Variants in PCCA observed in about 807,000 individuals in gnomAD.
PCCA encodes the protein propionyl-CoA carboxylase alpha chain, mitochondrial.
PCCA carries 74 observed loss-of-function variants against 101.3 expected under a neutral mutation model. The observed-to-expected ratio is 0.73, with a 90% CI of 0.61 to 0.89. The LOEUF (loss-of-function observed/expected upper bound fraction) is 0.89. Among genes scored for constraint, PCCA ranks in the 40% least tolerant of loss-of-function variants. PCCA has a pLI of 0.00. For synonymous variants in PCCA, 294 were observed against 313.6 expected (o/e 0.94, Z 0.66); for missense variants, 891 against 907.0 (o/e 0.98, Z 0.23).
intron 20 of PCCA, among the ~76,000 whole-genome samples, chr13:100,432,456 A>G (rs2079625608): frequency 1.3e-5 from 2 of 152,186 alleles, no homozygotes; most frequent in African/African-American, 4.8e-5. Context: ...TACACCTTAG[A>G]AAAACGTGTT....
At position 100,298,547 on chromosome 13, in the gene PCCA, T is replaced by A. The variant is rs1310588713; in HGVS notation, c.1066-2913T>A. On this transcript the variant is annotated intron_variant, in intron 12 of 23. Coordinates refer to ENST00000376285, the MANE Select transcript of PCCA (RefSeq NM_000282.4). Reference sequence around the variant, plus strand: ...ACCAGACACCAATTTTTGACTTTTTTGTTTTTTTATTTTTATAACCTTTTG... The same window carrying A: ...ACCAGACACCAATTTTTGACTTTTTAGTTTTTTTATTTTTATAACCTTTTG... Among the ~76,000 whole-genome samples, 3 of 151,822 alleles carry A rather than the reference T, an allele frequency of 2.0e-5. No homozygotes were observed. The East Asian group carries it at 5.8e-4, about 30-fold the overall frequency.
chr13:100,525,211 G>A (rs970322034), intron 22 of PCCA, among the ~76,000 whole-genome samples: 3 of 152,132 alleles, frequency 2.0e-5, no homozygotes, highest in African/African-American at 7.2e-5. Flanking sequence ...GTGGGGACAC[G>A]CCTTCTTTAA....
In PCCA at chr13:100,209,424, A is replaced by T; in HGVS notation, c.561A>T (p.Ala187=). The T allele has an allele frequency of 6.2e-7, 1 of 1,613,500 alleles. No individual in the cohort carries two copies. Residue 187 remains alanine, a synonymous_variant, in exon 7 of 24, where the codon GCA becomes GCT. Coordinates refer to ENST00000376285, the MANE Select transcript of PCCA (RefSeq NM_000282.4). ...AAAGCAAATTATTAGCTAAGAAAGC[A>T]GAGGTTAATACAATCCCTGGCTTTG... ...KIESKLLAKK[A]EVNTIPGFDG... is the part of the protein sequence containing the mutation.
At chr13:100,284,843 C>A (rs2064467762) in intron 12 of PCCA, among the ~76,000 whole-genome samples, 1 of 152,192 alleles carries the variant, frequency 6.6e-6, no homozygotes, top group African/African-American at 2.4e-5. Flanking sequence ...TTAGGGATAG[C>A]CCTCATCGGT....
At chr13:100,284,373 A>G (rs2064413399) in intron 12 of PCCA, among the ~76,000 whole-genome samples, 2 of 152,218 alleles carry the variant, frequency 1.3e-5, no homozygotes, top group African/African-American at 4.8e-5. Context: ...AAGTCTGGGC[A>G]TTGGAAGGAC....
intron 17 of PCCA, among the ~76,000 whole-genome samples, chr13:100,332,355 G>A (rs1318981049): frequency 3.3e-5 from 5 of 151,846 alleles, no homozygotes; most frequent in East Asian, 1.9e-4. Context: ...GTTGTAGTAC[G>A]TTTTGAAGTG....
intron 19 of PCCA, among the ~76,000 whole-genome samples, chr13:100,411,597 G>A (rs771475373): frequency 2.6e-5 from 4 of 152,148 alleles, no homozygotes; most frequent in South Asian, 2.1e-4. Flanking sequence ...TAAATATACC[G>A]TAGAATGGGT....
chr13:100,099,442 C>T (rs186337150), intron 1 of PCCA, among the ~76,000 whole-genome samples: 112 of 151,670 alleles, frequency 7.4e-4, no homozygotes, highest in African/African-American at 2.6e-3. Flanking sequence ...CTCAGTCTCC[C>T]GAGTAGCTGG....
chr13:100,484,582 A>C (rs2084216765), intron 21 of PCCA, among the ~76,000 whole-genome samples: 1 of 152,144 alleles, frequency 6.6e-6, no homozygotes, highest in Non-Finnish European at 1.5e-5. Flanking sequence ...GAGATGTTTG[A>C]ATTTTTCTTT....
chr13:100,315,229 T>A (rs2067241653), intron 16 of PCCA, among the ~76,000 whole-genome samples: 2 of 152,216 alleles, frequency 1.3e-5, no homozygotes, highest in Middle Eastern at 3.4e-3. Context: ...ATTTTGAAAT[T>A]ATTTCAAAAT....
chr13:100,113,521 A>G (rs545145770), intron 4 of PCCA, among the ~76,000 whole-genome samples: 20 of 152,108 alleles, frequency 1.3e-4, no homozygotes, highest in African/African-American at 4.6e-4. Context: ...TAACCTTAGC[A>G]TACCATAACT....
intron 12 of PCCA, among the ~76,000 whole-genome samples, chr13:100,293,835 G>A (rs2065314044): frequency 6.6e-6 from 1 of 152,086 alleles, no homozygotes; most frequent in African/African-American, 2.4e-5. Flanking sequence ...GAAGTTTTTG[G>A]TATACAGATA....
At chr13:100,102,092 C>G (rs1459988615) in intron 1 of PCCA, among the ~76,000 whole-genome samples, 3 of 151,940 alleles carry the variant, frequency 2.0e-5, no homozygotes, top group Non-Finnish European at 4.4e-5. Context: ...GAAGTTCTCT[C>G]TCTGTCTCTG....
intron 19 of PCCA, among the ~76,000 whole-genome samples, chr13:100,396,437 C>T (rs2077048852): frequency 6.6e-6 from 1 of 152,202 alleles, no homozygotes; most frequent in South Asian, 2.1e-4. Context: ...TCTCTTCCCT[C>T]TAAAACACGG....
At chr13:100,440,194 AT>A (rs1566308323) in intron 20 of PCCA, among the ~76,000 whole-genome samples, 34 of 101,408 alleles carry the variant, frequency 3.4e-4, no homozygotes, top group Middle Eastern at 5.1e-3. Flanking sequence ...ATATATATAT[AT>A]ATATATATAT....
At chr13:100,423,914 G>A (rs1447994506) in intron 19 of PCCA, among the ~76,000 whole-genome samples, 3 of 152,212 alleles carry the variant, frequency 2.0e-5, no homozygotes, top group Non-Finnish European at 4.4e-5. Flanking sequence ...CGAGGGCCTG[G>A]GTGGGTAACC....
intron 14 of PCCA, among the ~76,000 whole-genome samples, chr13:100,305,525 G>A (rs1214681716): frequency 1.3e-5 from 2 of 152,138 alleles, no homozygotes; most frequent in African/African-American, 2.4e-5. Context: ...TATCAGTCTC[G>A]TTTGTAAACA....
At chr13:100,508,371 C>T (rs754670020) in intron 21 of PCCA, among the ~76,000 whole-genome samples, 2 of 152,186 alleles carry the variant, frequency 1.3e-5, no homozygotes, top group Non-Finnish European at 2.9e-5. Context: ...TGCTCACTGC[C>T]GTTGAGCCTC....
chr13:100,294,464 T>A (rs1423576813), intron 12 of PCCA, among the ~76,000 whole-genome samples: 2 of 152,074 alleles, frequency 1.3e-5, no homozygotes, highest in Non-Finnish European at 2.9e-5. Context: ...TTTTTTTCCA[T>A]GTATACATAG....
Sources: gnomAD v4.1 joint callset for allele counts (sites outside exome capture counted in the v4.1 genomes callset) on GRCh38, gnomAD v4.1.1 for gene constraint, MANE v1.5 for transcripts, NCBI Gene and HGNC (gene_info 2026-07-23, HGNC 2026-07-21) for gene names.